MACROD1: variants seen among roughly 807,000 people sequenced by gnomAD.
MACROD1 encodes mono-ADP ribosylhydrolase 1.
In MACROD1, 31 loss-of-function variants were observed where a neutral mutation model predicts 41.4. The ratio of observed to expected loss-of-function variants is 0.75; its 90% CI spans 0.56 to 1.01. The LOEUF is 1.01. Ranked by LOEUF, MACROD1 falls within the 50% of genes least tolerant of loss-of-function variation. MACROD1 has a pLI of 0.00. For synonymous variants in MACROD1, 252 were observed against 203.4 expected (o/e 1.24, Z -2.03); for missense variants, 473 against 460.0 (o/e 1.03, Z -0.26).
chr11:64,102,012 A>G (rs946200458), intron 3 of MACROD1, among the ~76,000 whole-genome samples: 1 of 152,180 alleles, frequency 6.6e-6, no homozygotes, highest in South Asian at 2.1e-4. Flanking sequence ...TGCTGGGCTT[A>G]TTAAAACATG....
intron 3 of MACROD1, among the ~76,000 whole-genome samples, chr11:64,085,134 G>T (rs554531791): frequency 1.6e-4 from 24 of 152,300 alleles, no homozygotes; most frequent in Admixed American, 1.4e-3. Flanking sequence ...AGGGAGGATT[G>T]GGGGTTCTGG....
intron 3 of MACROD1, among the ~76,000 whole-genome samples, chr11:64,094,772 C>T (rs1944548665): frequency 2.6e-5 from 4 of 152,252 alleles, no homozygotes; most frequent in Admixed American, 2.6e-4. Context: ...AAAGTCACCC[C>T]TGACCCCACG....
intron 2 of MACROD1, among the ~76,000 whole-genome samples, chr11:64,152,001 T>C (rs1159631217): frequency 4.6e-5 from 7 of 152,182 alleles, no homozygotes; most frequent in African/African-American, 9.6e-5. Context: ...TGGTGGTGCA[T>C]GTCTGTAATC....
In MACROD1 at chr11:63,999,354, ACT is replaced by A. The variant is rs1942775653; in HGVS notation, c.866_867del (p.Glu289ValfsTer58). On this transcript the variant is annotated frameshift_variant, in exon 8 of 11. Transcript: ENST00000255681. LOFTEE classifies it high-confidence loss of function. ...ACCTTGTCCTTGTGCTGCTCCAGCC[ACT>A]CTCGCAGCGTGGCCAGCACGATCTC... ...AAEIVLATLR[E>X]WLEQHKDKVD... is the part of the protein sequence containing the mutation. The A allele has an allele frequency of 6.3e-7, 1 of 1,587,894 alleles. No homozygotes were observed. Among genetic ancestry groups the A allele is most frequent in the South Asian group, 1.1e-5 (1 of 88,594 alleles).
chr11:64,112,290 GA>G (rs1318917120), intron 3 of MACROD1, among the ~76,000 whole-genome samples: 2 of 152,130 alleles, frequency 1.3e-5, no homozygotes, highest in African/African-American at 2.4e-5. Flanking sequence ...CAGGGAGGTG[GA>G]TCACGAGGTC....
intron 3 of MACROD1, among the ~76,000 whole-genome samples, chr11:64,035,563 T>G (rs1590819045): frequency 1.8e-5 from 2 of 111,696 alleles, no homozygotes; most frequent in Non-Finnish European, 3.7e-5. Context: ...AGGGGTCGGC[T>G]CCCCCACCCG....
rs373574359 is a variant in MACROD1, at chr11:64,065,566, A to G, written c.518-50285T>C. On this transcript the variant is annotated intron_variant, in intron 3 of 10. Transcript: ENST00000255681. ...GCACTTTGGGAGGCCAAGGTGGGCG[A>G]ATCACGAGGTCAGGAGATCAAGACC... Among the ~76,000 whole-genome samples the G allele has an allele frequency of 3.9e-4, 60 of 152,072 alleles. 1 individual carries two copies. Among genetic ancestry groups the G allele is most frequent in the East Asian group, 3.9e-3 (20 of 5,150 alleles).
intron 3 of MACROD1, among the ~76,000 whole-genome samples, chr11:64,038,295 C>G (rs896649477): frequency 1.3e-5 from 2 of 152,224 alleles, no homozygotes; most frequent in Non-Finnish European, 2.9e-5. Flanking sequence ...GGCCTGCAGC[C>G]TCCCCTCTGG....
At chr11:64,089,050 G>A (rs1210346006) in intron 3 of MACROD1, among the ~76,000 whole-genome samples, 2 of 152,190 alleles carry the variant, frequency 1.3e-5, no homozygotes, top group East Asian at 1.9e-4. Flanking sequence ...TCAGGAACTC[G>A]TGCCCCGCCG....
At chr11:64,075,171 C>T (rs1000111039) in intron 3 of MACROD1, among the ~76,000 whole-genome samples, 5 of 152,198 alleles carry the variant, frequency 3.3e-5, no homozygotes, top group Non-Finnish European at 7.3e-5. Context: ...CACAGGGCAG[C>T]GCATGAGGGT....
intron 3 of MACROD1, among the ~76,000 whole-genome samples, chr11:64,021,195 C>T (rs1050041377): frequency 2.0e-5 from 3 of 152,222 alleles, no homozygotes; most frequent in African/African-American, 7.2e-5. Context: ...GCTGGGTCTG[C>T]CTGCCTGACT....
intron 1 of MACROD1, among the ~76,000 whole-genome samples, chr11:64,159,775 CA>C (rs1945726526): frequency 1.3e-5 from 2 of 152,154 alleles, no homozygotes; most frequent in Admixed American, 1.3e-4. Context: ...GCCTGGGCAA[CA>C]AGAGCGAAAC....
At chr11:64,106,199 G>T (rs1301847782) in intron 3 of MACROD1, among the ~76,000 whole-genome samples, 2 of 152,168 alleles carry the variant, frequency 1.3e-5, no homozygotes, top group South Asian at 4.2e-4. Flanking sequence ...TCTGAGGCCT[G>T]GGTTTGTGGC....
chr11:64,128,980 C>T (rs1222130869), intron 3 of MACROD1, among the ~76,000 whole-genome samples: 6 of 152,264 alleles, frequency 3.9e-5, no homozygotes, highest in African/African-American at 1.4e-4. Context: ...CAGCCCTTGC[C>T]AACCCCAGTG....
In MACROD1 at chr11:64,122,025, A is replaced by G. The variant is rs1590941227; in HGVS notation, c.517+29214T>C. On this transcript the variant is annotated intron_variant, in intron 3 of 10. Coordinates refer to ENST00000255681, the MANE Select transcript of MACROD1 (RefSeq NM_014067.4). The surrounding 1 kb of genome is among the most constrained non-coding windows in gnomAD (Gnocchi z 4.0). Reference sequence around the variant, plus strand: ...CAAGGAAGGAGAGAGAGAAGGCACCAGCAGGCCGGGAATCATTTGCATTTT... The same window carrying G: ...CAAGGAAGGAGAGAGAGAAGGCACCGGCAGGCCGGGAATCATTTGCATTTT... 6.6e-6 allele frequency among the ~76,000 whole-genome samples: 1 copy of G among 152,288 alleles called. No homozygotes were observed. The highest frequency in any genetic ancestry group is 1.5e-5 in the Non-Finnish European group (1 of 68,012).
chr11:64,004,709 TG>T (rs888606438), intron 4 of MACROD1, among the ~76,000 whole-genome samples: 3 of 151,976 alleles, frequency 2.0e-5, no homozygotes, highest in Non-Finnish European at 2.9e-5. Context: ...GCTGGTGGTT[TG>T]GGGCAAGTCA....
At chr11:64,000,370 C>A in intron 4 of MACROD1, 27 bp from the exon 5 acceptor site, 1 of 1,480,332 alleles carries the variant, frequency 6.8e-7, no homozygotes, top group Non-Finnish European at 9.1e-7. Context: ...CGCGACTGAG[C>A]TGGCCTGGCA....
intron 5 of MACROD1, 82 bp from the exon 6 acceptor site, chr11:63,999,845 AG>A: frequency 6.9e-7 from 1 of 1,455,790 alleles, no homozygotes. Context: ...CCTGGGCAGA[AG>A]GGGGCAGGAA....
intron 3 of MACROD1, among the ~76,000 whole-genome samples, chr11:64,028,783 C>G (rs1266843968): frequency 6.6e-6 from 1 of 152,184 alleles, no homozygotes; most frequent in Non-Finnish European, 1.5e-5. Flanking sequence ...GGCACCTGTG[C>G]CCGGCAGGTA....
Sources: allele counts gnomAD v4.1 joint callset (sites outside exome capture counted in the v4.1 genomes callset), GRCh38; gene constraint gnomAD v4.1.1; non-coding constraint Gnocchi (gnomAD v3.1); transcripts MANE v1.5; gene names NCBI Gene and HGNC (gene_info 2026-07-23, HGNC 2026-07-21).